DCC: variants seen among roughly 807,000 people sequenced by gnomAD.
DCC encodes the protein DCC netrin 1 receptor.
A neutral mutation model predicts 172.5 loss-of-function variants in DCC; 58 were observed. The ratio of observed to expected loss-of-function variants is 0.34; its 90% CI spans 0.27 to 0.42. The LOEUF (loss-of-function observed/expected upper bound fraction) is 0.42, where lower values mean the gene tolerates loss of function less well. DCC is among the 10% of genes least tolerant of loss of function. The pLI, the probability that DCC is intolerant of heterozygous loss-of-function variation, is 1.00. For synonymous variants in DCC, 709 were observed against 644.5 expected, an observed-to-expected ratio of 1.10 and a Z score of -1.52; for missense variants, 1,740 against 1,791.0, an observed-to-expected ratio of 0.97 and a Z score of 0.51.
At chr18:52,498,496 A>T (rs1369218695) in intron 1 of DCC, among the ~76,000 whole-genome samples, 1 of 151,944 alleles carries the variant, frequency 6.6e-6, no homozygotes, top group African/African-American at 2.4e-5. Flanking sequence ...TGGTGGCAGG[A>T]GCCTGTAATC....
intron 5 of DCC, among the ~76,000 whole-genome samples, chr18:53,030,747 C>T (rs1202587217): frequency 6.6e-6 from 1 of 152,144 alleles, no homozygotes; most frequent in Non-Finnish European, 1.5e-5. Context: ...GAACGGAGCA[C>T]AGTGTTAGTT....
Position 52,989,361 on chromosome 18 carries a change from A to G in DCC, c.985+63991A>G, listed in dbSNP as rs570853561. Among the ~76,000 whole-genome samples the G allele has an allele frequency of 4.6e-5, 7 of 152,192 alleles. No individual in the cohort carries two copies. The South Asian group carries it at 1.5e-3, about 32-fold the overall frequency. Reference sequence around the variant, plus strand: ...AACATGGTGAAACCCTGTCTCTACTAAAAATATAAAAATTAGCCGGGCATG... The same window carrying G: ...AACATGGTGAAACCCTGTCTCTACTGAAAATATAAAAATTAGCCGGGCATG... On this transcript the variant is annotated intron_variant, in intron 5 of 28. Transcript: ENST00000442544.
intron 1 of DCC, among the ~76,000 whole-genome samples, chr18:52,385,204 C>G (rs1025748767): frequency 6.6e-6 from 1 of 152,084 alleles, no homozygotes; most frequent in Non-Finnish European, 1.5e-5. Flanking sequence ...ATTTTCTTGT[C>G]CCAATAAAGT....
chr18:52,928,530 CAT>C (rs1480853804), intron 5 of DCC, among the ~76,000 whole-genome samples: 3 of 152,082 alleles, frequency 2.0e-5, no homozygotes, highest in African/African-American at 4.8e-5. Flanking sequence ...GTATGTAAAA[CAT>C]GTACATATGC....
At chr18:52,358,800 A>G (rs959044403) in intron 1 of DCC, among the ~76,000 whole-genome samples, 2 of 152,080 alleles carry the variant, frequency 1.3e-5, no homozygotes, top group African/African-American at 4.8e-5. Flanking sequence ...GCTGGCTTTC[A>G]TGTCCCCAGG....
At chr18:52,848,848 T>G (rs1462278118) in intron 2 of DCC, among the ~76,000 whole-genome samples, 2 of 152,236 alleles carry the variant, frequency 1.3e-5, no homozygotes, top group Non-Finnish European at 2.9e-5. Flanking sequence ...CGTGTTCAAA[T>G]ACCTTGTTTG....
intron 5 of DCC, among the ~76,000 whole-genome samples, chr18:52,934,398 C>G (rs1300772801): frequency 2.6e-5 from 4 of 152,074 alleles, no homozygotes; most frequent in Non-Finnish European, 5.9e-5. Flanking sequence ...CCTTGCTGTT[C>G]ATGCTTTCTT....
chr18:52,475,136 A>G (rs1407045623), intron 1 of DCC, among the ~76,000 whole-genome samples: 2 of 152,204 alleles, frequency 1.3e-5, no homozygotes, highest in Admixed American at 6.5e-5. Context: ...AACCCAGGAA[A>G]TGTTTCATCT....
chr18:52,576,693 G>A (rs535348261), intron 1 of DCC, among the ~76,000 whole-genome samples: 2 of 152,160 alleles, frequency 1.3e-5, no homozygotes, highest in South Asian at 2.1e-4. Context: ...AGCCGGGCAT[G>A]GTGGTGGGCG....
chr18:52,489,615 C>T (rs1437075736), intron 1 of DCC, among the ~76,000 whole-genome samples: 1 of 152,022 alleles, frequency 6.6e-6, no homozygotes, highest in Non-Finnish European at 1.5e-5. Context: ...GCCAGGAGAC[C>T]TTTGCTTTGT....
chr18:53,014,648 G>A (rs1464314167), intron 5 of DCC, among the ~76,000 whole-genome samples: 1 of 151,898 alleles, frequency 6.6e-6, no homozygotes, highest in Non-Finnish European at 1.5e-5. Flanking sequence ...TTAAAATGAA[G>A]TGTATTAGCT....
chr18:53,263,200 G>T lies in DCC; in HGVS notation c.1912-42378G>T, dbSNP rs149608315. 6.9e-3 allele frequency among the ~76,000 whole-genome samples: 1,047 copies of T among 152,306 alleles called. 12 individuals are homozygous for T. The highest frequency in any genetic ancestry group is 0.031 in the Middle Eastern group (9 of 294). On this transcript the variant is annotated intron_variant, in intron 12 of 28. Transcript: ENST00000442544. ...AGAGTCTTCCCCTGTCATCTGAGCT[G>T]GAGTGCAGTGGTGTGATCTCAGCTC...
intron 2 of DCC, among the ~76,000 whole-genome samples, chr18:52,842,766 C>T (rs1253282068): frequency 2.6e-5 from 4 of 152,074 alleles, no homozygotes; most frequent in Non-Finnish European, 4.4e-5. Context: ...ATAGAGTGGT[C>T]CCTAATAAGT....
At chr18:52,707,917 A>G (rs1028966754) in intron 1 of DCC, among the ~76,000 whole-genome samples, 1 of 152,198 alleles carries the variant, frequency 6.6e-6, no homozygotes, top group South Asian at 2.1e-4. Context: ...AGATAGGAGA[A>G]GTAAGTTCAA....
intron 2 of DCC, among the ~76,000 whole-genome samples, chr18:52,793,197 T>A (rs2037809787): frequency 6.6e-6 from 1 of 152,216 alleles, no homozygotes; most frequent in African/African-American, 2.4e-5. Context: ...CCTAATCTTA[T>A]GCAAATGGAC....
At chr18:53,280,672 T>TA (rs2056860347) in intron 12 of DCC, among the ~76,000 whole-genome samples, 1 of 152,114 alleles carries the variant, frequency 6.6e-6, no homozygotes, top group African/African-American at 2.4e-5. Context: ...AAATCACTAT[T>TA]AATGAACGTA....
At chr18:52,807,575 T>C (rs2145240558) in intron 2 of DCC, among the ~76,000 whole-genome samples, 1 of 152,336 alleles carries the variant, frequency 6.6e-6, no homozygotes, top group Non-Finnish European at 1.5e-5. Flanking sequence ...CTGGAGGCTT[T>C]AATGGAAGAA....
intron 5 of DCC, among the ~76,000 whole-genome samples, chr18:52,932,751 A>G (rs1413963115): frequency 1.3e-5 from 2 of 152,116 alleles, no homozygotes; most frequent in Non-Finnish European, 2.9e-5. Flanking sequence ...ATATATAGAT[A>G]TAGATATACA....
At chr18:53,467,485 A>G (rs2045636089) in intron 24 of DCC, among the ~76,000 whole-genome samples, 1 of 152,134 alleles carries the variant, frequency 6.6e-6, no homozygotes, top group African/African-American at 2.4e-5. Flanking sequence ...ATTCTAGTAA[A>G]TTAATATAGT....
Sources: gnomAD v4.1 joint callset for allele counts (sites outside exome capture counted in the v4.1 genomes callset) on GRCh38, gnomAD v4.1.1 for gene constraint, MANE v1.5 for transcripts, NCBI Gene and HGNC (gene_info 2026-07-23, HGNC 2026-07-21) for gene names.